ROBO1: variants seen among roughly 807,000 people sequenced by gnomAD.
The protein encoded by ROBO1 is roundabout guidance receptor 1.
Under a neutral mutation model 195.9 loss-of-function variants are expected in ROBO1, and 149 were observed. The observed-to-expected ratio is 0.76, with a 90% confidence interval of 0.67 to 0.87. ROBO1 has a LOEUF of 0.87. Among genes scored for constraint, ROBO1 ranks in the 40% least tolerant of loss-of-function variants. ROBO1 has a pLI of 0.00. For missense variants in ROBO1, 1,933 were observed against 2,068.3 expected, an observed-to-expected ratio of 0.93 and a Z score of 1.27; for synonymous variants, 816 against 733.2, an observed-to-expected ratio of 1.11 and a Z score of -1.82.
chr3:79,361,788 C>A (rs910099524), intron 2 of ROBO1, among the ~76,000 whole-genome samples: 1 of 151,936 alleles, frequency 6.6e-6, no homozygotes, highest in Non-Finnish European at 1.5e-5. Flanking sequence ...TTGTATTTAC[C>A]TTACTTTTTT....
intron 2 of ROBO1, among the ~76,000 whole-genome samples, chr3:79,215,429 T>G (rs2082039908): frequency 6.6e-6 from 1 of 152,020 alleles, no homozygotes; most frequent in African/African-American, 2.4e-5. Context: ...AAGGAGTTTG[T>G]GATATATCTT....
At chr3:79,134,236 C>G in intron 2 of ROBO1, among the ~76,000 whole-genome samples, 2 of 134,030 alleles carry the variant, frequency 1.5e-5, no homozygotes, top group African/African-American at 5.7e-5. Context: ...AGGACATGAA[C>G]AGACACTTCT....
chr3:78,946,185 C>A (rs1413854588), intron 3 of ROBO1, among the ~76,000 whole-genome samples: 1 of 152,106 alleles, frequency 6.6e-6, no homozygotes, highest in Non-Finnish European at 1.5e-5. Flanking sequence ...CACAAAGATA[C>A]TCCTCGAGAA....
intron 4 of ROBO1, among the ~76,000 whole-genome samples, chr3:78,797,696 T>A (rs2108557040): frequency 6.6e-6 from 1 of 152,294 alleles, no homozygotes; most frequent in Middle Eastern, 3.4e-3. Flanking sequence ...TAAGTAATTT[T>A]TGGTATAATG....
At chr3:78,684,214 T>A (rs1166462552) in intron 10 of ROBO1, among the ~76,000 whole-genome samples, 1 of 152,096 alleles carries the variant, frequency 6.6e-6, no homozygotes, top group Non-Finnish European at 1.5e-5. Flanking sequence ...GATGGAATAC[T>A]ACACAGCAAC....
At chr3:79,446,058 C>A (rs2039243705) in intron 2 of ROBO1, among the ~76,000 whole-genome samples, 1 of 152,156 alleles carries the variant, frequency 6.6e-6, no homozygotes, top group South Asian at 2.1e-4. Flanking sequence ...TCAGCCTCCC[C>A]TTGTGCTAGG....
At chr3:79,216,004 A>G (rs943906969) in intron 2 of ROBO1, among the ~76,000 whole-genome samples, 2 of 152,122 alleles carry the variant, frequency 1.3e-5, no homozygotes, top group South Asian at 2.1e-4. Context: ...AATTTAATAT[A>G]AAGATTAATT....
intron 2 of ROBO1, among the ~76,000 whole-genome samples, chr3:79,146,319 T>C (rs958500443): frequency 1.4e-4 from 22 of 151,870 alleles, no homozygotes; most frequent in African/African-American, 4.4e-4. Flanking sequence ...TAGAAGAATA[T>C]ACCACTTAAA....
At chr3:79,455,617 T>A (rs997345514) in intron 2 of ROBO1, among the ~76,000 whole-genome samples, 2 of 152,086 alleles carry the variant, frequency 1.3e-5, no homozygotes, top group Non-Finnish European at 2.9e-5. Context: ...ATTTTGATTG[T>A]AGATACAGGG....
At chr3:79,425,959 T>C (rs2038429872) in intron 2 of ROBO1, among the ~76,000 whole-genome samples, 1 of 152,208 alleles carries the variant, frequency 6.6e-6, no homozygotes, top group Non-Finnish European at 1.5e-5. Flanking sequence ...CAAATAATTT[T>C]TAAATTTTTC....
intron 1 of ROBO1, among the ~76,000 whole-genome samples, chr3:79,760,361 A>G (rs746702659): frequency 6.6e-6 from 1 of 150,632 alleles, no homozygotes; most frequent in Non-Finnish European, 1.5e-5. Flanking sequence ...TGGAAAAAGG[A>G]AAAATGTAAT....
intron 2 of ROBO1, among the ~76,000 whole-genome samples, chr3:79,453,713 A>C (rs898563592): frequency 1.8e-4 from 27 of 152,242 alleles, no homozygotes; most frequent in African/African-American, 6.0e-4. Flanking sequence ...TTTGACTAGA[A>C]TAAATCACAG....
intron 2 of ROBO1, among the ~76,000 whole-genome samples, chr3:79,391,374 A>G (rs1237788948): frequency 6.6e-6 from 1 of 152,164 alleles, no homozygotes; most frequent in Non-Finnish European, 1.5e-5. Flanking sequence ...ACAACTCTAT[A>G]CACATTATTT....
chr3:79,548,633 T>C (rs1283100088), intron 2 of ROBO1, among the ~76,000 whole-genome samples: 2 of 152,192 alleles, frequency 1.3e-5, no homozygotes, highest in African/African-American at 4.8e-5. Flanking sequence ...TAAGACTTCT[T>C]TTGCAATAGG....
At chr3:79,549,801 T>C (rs970333952) in intron 2 of ROBO1, among the ~76,000 whole-genome samples, 2 of 151,628 alleles carry the variant, frequency 1.3e-5, no homozygotes, top group Non-Finnish European at 2.9e-5. Flanking sequence ...ATTCTTTACC[T>C]TTAAAAGTAA....
At chr3:79,621,239 G>A (rs1326579533) in intron 1 of ROBO1, among the ~76,000 whole-genome samples, 1 of 151,970 alleles carries the variant, frequency 6.6e-6, no homozygotes, top group Non-Finnish European at 1.5e-5. Flanking sequence ...CTTTCCTTGT[G>A]AGCCCTGCCC....
intron 1 of ROBO1, among the ~76,000 whole-genome samples, chr3:79,647,631 T>C (rs2106720337): frequency 6.6e-6 from 1 of 152,176 alleles, no homozygotes; most frequent in East Asian, 1.9e-4. Context: ...AAGCACAGGA[T>C]ACAACCTTCT....
chr3:78,877,698 A>G (rs1035544785), intron 4 of ROBO1, among the ~76,000 whole-genome samples: 5 of 152,306 alleles, frequency 3.3e-5, no homozygotes, highest in Admixed American at 2.0e-4. Context: ...AACAGAGTTA[A>G]AAAGTGTCTT....
chr3:79,650,446 T>G (rs1490521574), intron 1 of ROBO1, among the ~76,000 whole-genome samples: 1 of 151,730 alleles, frequency 6.6e-6, no homozygotes, highest in Non-Finnish European at 1.5e-5. Flanking sequence ...TTACATATAC[T>G]GATATAATAG....
Sources: allele counts gnomAD v4.1 joint callset (sites outside exome capture counted in the v4.1 genomes callset), GRCh38; gene constraint gnomAD v4.1.1; transcripts MANE v1.5; gene names NCBI Gene and HGNC (gene_info 2026-07-23, HGNC 2026-07-21).